The following KDM4F variants were observed in gnomAD, a reference collection of about 807,000 sequenced individuals.
The protein encoded by KDM4F is lysine demethylase 4F.
For synonymous variants in KDM4F, 223 were observed against 184.4 expected (o/e 1.21, Z -1.70); for missense variants, 586 against 496.4 (o/e 1.18, Z -1.71).
At chr11:95,050,793 G>A (rs1162357973) in exon 1 of KDM4F, 30 of 621,544 alleles carry the variant, frequency 4.8e-5, no homozygotes, top group African/African-American at 2.6e-4. Flanking sequence ...TCAGTCTGCA[G>A]CTAAGAGGCG....
exon 1 of KDM4F, chr11:95,050,659 C>T (rs1311196614): frequency 6.5e-6 from 4 of 618,354 alleles, no homozygotes; most frequent in Non-Finnish European, 1.2e-5. Flanking sequence ...CTGGAGACGT[C>T]AGCCTGGGTT....
rs1273361658 is a variant in KDM4F, at chr11:95,051,213, C to A, written c.1792C>A (p.Pro598Thr). The A allele has an allele frequency of 1.0e-5, 4 of 398,884 alleles. No homozygotes were observed. The East Asian group carries it at 1.4e-4, about 14-fold the overall frequency. 24.7% of individuals were successfully genotyped at this position (398,884 alleles called of 1,614,324 possible). Residue 598 changes from proline to threonine, a missense_variant, in exon 1 of 1, where the codon CCT (proline) becomes ACT (threonine). Transcript: ENST00000545950. ...TAAGTTTTCCAGGATCTCCTGGGCC[C>A]CTGACTCATCTGCTGGGGCTAAAGC...
chr11:95,050,305 C>T (rs1858498321), exon 1 of KDM4F: 1 of 1,372,204 alleles, frequency 7.3e-7, no homozygotes. Context: ...TTTGCCACTC[C>T]ACGATGGATT....
At chr11:95,050,974 A>T (rs1590990349) in exon 1 of KDM4F, 1 of 475,876 alleles carries the variant, frequency 2.1e-6, no homozygotes. Flanking sequence ...CCCCCACTGG[A>T]TCCTGATGAA....
exon 1 of KDM4F, chr11:95,049,991 G>A (rs551669227): frequency 7.6e-5 from 123 of 1,614,172 alleles, no homozygotes; most frequent in Middle Eastern, 4.9e-4. Flanking sequence ...CTTGGCACAC[G>A]GAGGACATGG....
In KDM4F at chr11:95,049,846, T is replaced by C. The variant is rs200771276; in HGVS notation, c.425T>C (p.Phe142Ser). 1.9e-4 allele frequency: 300 copies of C among 1,603,950 alleles called. 4 individuals carry two copies. The South Asian group carries it at 2.1e-3, about 11-fold the overall frequency. Residue 142 changes from phenylalanine to serine, a missense_variant, in exon 1 of 1, where the codon TTT (phenylalanine) becomes TCT (serine). Physicochemically the swap from Phe to Ser is radical, Grantham distance 155. Coordinates refer to ENST00000545950, the Ensembl canonical transcript of KDM4F. ...GGTGCTGATATCAGCGGCTCCTTATTTGAAGAAAGCACTAAACAATGGAAC... is the reference window on the plus strand; with the variant it reads ...GGTGCTGATATCAGCGGCTCCTTATCTGAAGAAAGCACTAAACAATGGAAC...
rs544653532 is a variant in KDM4F, at chr11:95,050,478, C to G, written c.1057C>G (p.Gln353Glu). ...CATGGAGCCCAGGGTTGCAGAAAGC[C>G]AAGAGCCGAGCAACTGGAGGGAGGA... is the stretch of plus-strand genomic sequence containing the variant. The change falls in exon 1 of 1, where the codon CAA becomes GAA. Residue 353 changes from glutamine to glutamate, a missense_variant. Coordinates refer to ENST00000545950, the Ensembl canonical transcript of KDM4F. 8 of 739,966 alleles carry G rather than the reference C, an allele frequency of 1.1e-5. No homozygotes were observed. The East Asian group carries it at 1.6e-4, about 15-fold the overall frequency. The allele number at this position is 739,966 out of a possible 1,614,324, so 45.8% of individuals were successfully genotyped here.
exon 1 of KDM4F, chr11:95,050,561 C>G: frequency 1.5e-6 from 1 of 685,818 alleles, no homozygotes; most frequent in South Asian, 1.6e-5. Flanking sequence ...ACATAACCAG[C>G]TGTCCCACAC....
exon 1 of KDM4F, chr11:95,050,857 T>C (rs1858504639): frequency 3.7e-6 from 2 of 540,522 alleles, no homozygotes; most frequent in Non-Finnish European, 6.6e-6. Context: ...CAGCTCCAGT[T>C]CGCCGATGAA....
exon 1 of KDM4F, chr11:95,050,379 G>A (rs541125647): frequency 2.1e-6 from 2 of 946,274 alleles, no homozygotes; most frequent in South Asian, 1.3e-5. Context: ...TTCCATGGAT[G>A]CCTTCGTGCG....
At chr11:95,050,143 A>G (rs1005092577) in exon 1 of KDM4F, 10 of 1,551,266 alleles carry the variant, frequency 6.4e-6, no homozygotes, top group Non-Finnish European at 3.6e-6. Flanking sequence ...TTCCTGCGGC[A>G]CAAGGTGGCC....
exon 1 of KDM4F, chr11:95,050,508 G>T: frequency 1.4e-6 from 1 of 712,018 alleles, no homozygotes; most frequent in Admixed American, 2.0e-5. Flanking sequence ...GGAGGACATA[G>T]CACTTAGGAG....
In KDM4F at chr11:95,049,942, C is replaced by T. The variant is rs540634250; in HGVS notation, c.521C>T (p.Thr174Ile). ...GGGGTTGTCATCGAGGGTGTCAACA[C>T]ACCCTACCTGTACTTTGGCATGTGG... is the stretch of plus-strand genomic sequence containing the variant. Residue 174 changes from threonine to isoleucine, a missense_variant, in exon 1 of 1, where the codon ACA becomes ATA. Physicochemically the swap from Thr to Ile is moderately conservative, Grantham distance 89. Coordinates refer to ENST00000545950, the Ensembl canonical transcript of KDM4F. The T allele has an allele frequency of 8.3e-5, 134 of 1,614,168 alleles. 1 individual carries two copies. The South Asian group carries it at 1.4e-3, about 16-fold the overall frequency.
exon 1 of KDM4F, chr11:95,049,907 G>A: frequency 1.2e-6 from 2 of 1,610,770 alleles, no homozygotes; most frequent in East Asian, 2.2e-5. Context: ...ACCTGTTGGA[G>A]CAGGAATGTG....
chr11:95,050,528 G>T, exon 1 of KDM4F: 4 of 702,150 alleles, frequency 5.7e-6, no homozygotes, highest in Non-Finnish European at 1.0e-5. Context: ...GAGCTGCTCT[G>T]GGCCTGAGGC....
chr11:95,050,749 GT>G, the KDM4F span: 3 of 650,386 alleles, frequency 4.6e-6, no homozygotes, highest in African/African-American at 3.6e-5. Context: ...CGTGGTCGTC[GT>G]CCTCGAGAAC....
chr11:95,050,006 T>G, exon 1 of KDM4F: 1 of 1,614,054 alleles, frequency 6.2e-7, no homozygotes, highest in Middle Eastern at 1.6e-4. Context: ...ACATGGACCT[T>G]TACAGCATCA....
chr11:95,050,208 C>T, the KDM4F span: 8 of 1,559,088 alleles, frequency 5.1e-6, no homozygotes, highest in South Asian at 7.8e-5. Flanking sequence ...TCGCATGACT[C>T]AGGAGGCTGG....
exon 1 of KDM4F, chr11:95,049,664 T>G (rs181924572): frequency 1.8e-4 from 294 of 1,599,230 alleles, no homozygotes; most frequent in Non-Finnish European, 2.1e-4. Context: ...GGCAGGGAGG[T>G]GTGTTTACTC....
Sources: gnomAD v4.1 joint callset for allele counts on GRCh38, gnomAD v4.1.1 for gene constraint, MANE v1.5 for transcripts, NCBI Gene and HGNC (gene_info 2026-07-23, HGNC 2026-07-21) for gene names.